Variants in MLIP observed in about 807,000 individuals in gnomAD.
MLIP encodes the protein muscular LMNA interacting protein, also known as muscular LMNA-interacting protein.
Under a neutral mutation model 84.8 loss-of-function variants are expected in MLIP, and 79 were observed. The ratio of observed to expected loss-of-function variants is 0.93; its 90% CI spans 0.78 to 1.12. The LOEUF is 1.12. Ranked by LOEUF, MLIP falls within the 50% of genes most tolerant of loss-of-function variation. The pLI, the probability that MLIP is intolerant of heterozygous loss-of-function variation, is 0.00. For missense variants in MLIP, 1,257 were observed against 1,160.6 expected, an observed-to-expected ratio of 1.08 and a Z score of -1.21; for synonymous variants, 504 against 463.0, an observed-to-expected ratio of 1.09 and a Z score of -1.14.
chr6:54,176,470 T>A (rs1179719243), intron 9 of MLIP, among the ~76,000 whole-genome samples: 3 of 152,036 alleles, frequency 2.0e-5, no homozygotes, highest in African/African-American at 7.2e-5. Flanking sequence ...TCTTGATAGG[T>A]TGTATGTATC....
At chr6:54,255,463 A>G (rs1582645473) in intron 12 of MLIP, among the ~76,000 whole-genome samples, 2 of 152,322 alleles carry the variant, frequency 1.3e-5, no homozygotes, top group South Asian at 4.1e-4. Context: ...CAACACATTA[A>G]TATCACATTT....
intron 13 of MLIP, among the ~76,000 whole-genome samples, chr6:54,265,144 A>G (rs552619511): frequency 6.6e-6 from 1 of 152,228 alleles, no homozygotes; most frequent in African/African-American, 2.4e-5. Flanking sequence ...GGAACCTGGA[A>G]ATAGAAAGTT....
At chr6:54,172,735 GAA>G (rs1195836559) in intron 9 of MLIP, among the ~76,000 whole-genome samples, 6 of 150,462 alleles carry the variant, frequency 4.0e-5, no homozygotes, top group Non-Finnish European at 8.9e-5. Flanking sequence ...AATAAACAAA[GAA>G]AATCAACTCA....
rs1280292556 is a variant in MLIP at position 54,102,688 on chromosome 6, T to G, written c.64-18759T>G. Among the ~76,000 whole-genome samples, 8 of 152,270 alleles carry G rather than the reference T, an allele frequency of 5.3e-5. No homozygotes were observed. In the South Asian group the frequency reaches 1.5e-3, roughly 28 times the overall value. ...CTCTGAATCTTCCATACATCTAGCA[T>G]AAAGCATGCAACCATTTACTTAAGA... On this transcript the variant is annotated intron_variant, in intron 1 of 12. Coordinates refer to the MLIP transcript ENST00000274897.
In MLIP at chr6:54,168,056, C is replaced by T. The variant is rs565433127; in HGVS notation, c.2500-1472C>T. ...ATTTTGCCCAGTAACTATTCACTTTCTTTTTAGTTCATTGATGTTTTTGAT... is the reference window on the plus strand; with the variant it reads ...ATTTTGCCCAGTAACTATTCACTTTTTTTTTAGTTCATTGATGTTTTTGAT... On this transcript the variant is annotated intron_variant, in intron 8 of 13. Coordinates refer to ENST00000502396, the MANE Select transcript of MLIP (RefSeq NM_001281747.2). 2.0e-5 allele frequency among the ~76,000 whole-genome samples: 3 copies of T among 151,908 alleles called. No homozygotes were observed. In the East Asian group the frequency reaches 5.8e-4, roughly 30 times the overall value.
chr6:54,118,952 C>G (rs1419440723), intron 1 of MLIP, among the ~76,000 whole-genome samples: 1 of 152,138 alleles, frequency 6.6e-6, no homozygotes, highest in Non-Finnish European at 1.5e-5. Context: ...AAAAGATGCT[C>G]ATTGTTGCTA....
chr6:54,174,337 G>A (rs544058265), intron 9 of MLIP, among the ~76,000 whole-genome samples: 22 of 151,866 alleles, frequency 1.4e-4, no homozygotes, highest in South Asian at 4.2e-4. Flanking sequence ...TATAGTGGTC[G>A]TACTAATTGG....
At chr6:54,215,126 C>T (rs1330209055) in intron 11 of MLIP, 2 of 1,529,732 alleles carry the variant, frequency 1.3e-6, no homozygotes, top group Non-Finnish European at 1.8e-6. Flanking sequence ...AAAAGCTGTC[C>T]ACTTTACACT....
chr6:54,138,043 G>T lies in MLIP; in HGVS notation c.1974G>T (p.Arg658Ser), dbSNP rs114031404. The change falls in exon 4 of 14, where the codon AGG becomes AGT. Residue 658 changes from arginine to serine, a missense_variant. Arg to Ser is a moderately radical substitution (Grantham distance 110). Transcript: ENST00000502396. ...SADFASLPNL[R>S]SSSLPHANLP... is the part of the protein sequence containing the mutation. ...ACTTTGCCTCTCTTCCCAACTTGAG[G>T]TCCTCCTCTCTCCCTCATGCCAATC... The T allele has an allele frequency of 6.5e-7, 1 of 1,535,988 alleles. No homozygotes were observed.
chr6:54,071,420 T>A (rs1158999454), intron 1 of MLIP, among the ~76,000 whole-genome samples: 1 of 152,094 alleles, frequency 6.6e-6, no homozygotes, highest in Non-Finnish European at 1.5e-5. Context: ...TATTTCTCTA[T>A]TTTTTTATAG....
rs1173152587 is a variant in MLIP at position 54,064,393 on chromosome 6, T to C, written c.63+45302T>C. Among the ~76,000 whole-genome samples the C allele has an allele frequency of 1.9e-4, 19 of 100,198 alleles. 5 individuals are homozygous for C. The highest frequency in any genetic ancestry group is 1.2e-3 in the Admixed American group (13 of 10,668). The allele number at this position is 100,198 out of a possible 152,430, so 65.7% of individuals were successfully genotyped here. A position where few individuals can be genotyped will look rare whatever the true frequency, so the allele number is the denominator to read the frequency against. ...GCCTACGATATGCTTATTTAATTTA[T>C]TGGCACAGTAAAGAAGACTATGTGA... On this transcript the variant is annotated intron_variant, in intron 1 of 12. Coordinates refer to the MLIP transcript ENST00000274897.
At chr6:54,257,561 A>T (rs1783092838) in intron 13 of MLIP, among the ~76,000 whole-genome samples, 200 bp downstream of exon 13, 1 of 152,140 alleles carries the variant, frequency 6.6e-6, no homozygotes. Flanking sequence ...TGTAGAAGGT[A>T]GCACTAGAGT....
chr6:54,062,528 T>C (rs4715439), intron 1 of MLIP, among the ~76,000 whole-genome samples: 150,467 of 152,226 alleles, frequency 0.99, 74,389 homozygotes, highest in East Asian at 1. Flanking sequence ...ACATCTGAAC[T>C]CTTTGCTATA....
chr6:54,140,702 A>T (rs1308737335), intron 4 of MLIP, among the ~76,000 whole-genome samples: 1 of 152,158 alleles, frequency 6.6e-6, no homozygotes, highest in African/African-American at 2.4e-5. Context: ...ATTACAATCT[A>T]TTATTTTCAG....
intron 11 of MLIP, among the ~76,000 whole-genome samples, chr6:54,208,508 C>A (rs533392964): frequency 1.4e-4 from 22 of 152,262 alleles, no homozygotes; most frequent in African/African-American, 5.3e-4. Flanking sequence ...ATAGCTTGAG[C>A]CCAAGAATTC....
At chr6:54,086,548 G>A (rs1767502715) in intron 1 of MLIP, among the ~76,000 whole-genome samples, 1 of 152,152 alleles carries the variant, frequency 6.6e-6, no homozygotes, top group South Asian at 2.1e-4. Flanking sequence ...GTGAGATCAT[G>A]TCACCACTTT....
chr6:54,176,620 T>A (rs1776312041), intron 9 of MLIP, among the ~76,000 whole-genome samples: 2 of 152,040 alleles, frequency 1.3e-5, no homozygotes, highest in Non-Finnish European at 2.9e-5. Flanking sequence ...AAAATGGCCA[T>A]ACTGCCCAAA....
chr6:54,145,786 CT>C (rs1772755088), intron 4 of MLIP, among the ~76,000 whole-genome samples: 2 of 147,808 alleles, frequency 1.4e-5, no homozygotes, highest in African/African-American at 5.2e-5. Context: ...CCACCACCCC[CT>C]CCCCCACAAA....
At chr6:54,195,483 G>A (rs960915221) in intron 10 of MLIP, among the ~76,000 whole-genome samples, 1 of 152,044 alleles carries the variant, frequency 6.6e-6, no homozygotes, top group Non-Finnish European at 1.5e-5. Context: ...AAAAATATTG[G>A]TCATGGATTC....
Sources: allele counts gnomAD v4.1 joint callset (sites outside exome capture counted in the v4.1 genomes callset), GRCh38; gene constraint gnomAD v4.1.1; transcripts MANE v1.5; gene names NCBI Gene and HGNC (gene_info 2026-07-23, HGNC 2026-07-21).